C12orf50: variants seen among roughly 807,000 people sequenced by gnomAD.
C12orf50 encodes the protein zinc finger CCCH-type containing 11D.
C12orf50 carries 35 observed loss-of-function variants against 61.6 expected under a neutral mutation model. The observed-to-expected ratio is 0.57, with a 90% CI of 0.43 to 0.75. The LOEUF (loss-of-function observed/expected upper bound fraction) is 0.75. C12orf50 is among the 30% of genes least tolerant of loss of function. The pLI is 0.00. For missense variants in C12orf50, 475 were observed against 488.5 expected (o/e 0.97, Z 0.26); for synonymous variants, 178 against 161.5 (o/e 1.10, Z -0.77).
intron 4 of C12orf50, among the ~76,000 whole-genome samples, chr12:87,997,614 C>A (rs1592659277): frequency 6.6e-6 from 1 of 152,140 alleles, no homozygotes; most frequent in Middle Eastern, 3.4e-3. Flanking sequence ...TCCCTGTGTC[C>A]ATGTGTTCTC....
intron 4 of C12orf50, among the ~76,000 whole-genome samples, chr12:87,997,403 T>C (rs571725760): frequency 1.3e-5 from 2 of 152,190 alleles, no homozygotes; most frequent in East Asian, 3.9e-4. Context: ...AATATCTATA[T>C]ATATACATTT....
chr12:87,983,283 G>A, intron 11 of C12orf50, 88 bp from the exon 12 acceptor site: 1 of 728,536 alleles, frequency 1.4e-6, no homozygotes, highest in Non-Finnish European at 2.2e-6. Flanking sequence ...TCTCAGGGGT[G>A]AAGCTATTCT....
chr12:88,010,769 A>G (rs1172877395), intron 3 of C12orf50, among the ~76,000 whole-genome samples: 1 of 151,978 alleles, frequency 6.6e-6, no homozygotes, highest in African/African-American at 2.4e-5. Flanking sequence ...TATAGTTAAC[A>G]GAAACTACCC....
rs1009990548 is a variant in C12orf50, at chr12:87,993,200, C to A, written c.592+1433G>T. Among the ~76,000 whole-genome samples, 10 of 152,084 alleles carry A rather than the reference C, an allele frequency of 6.6e-5. 1 individual carries two copies. Among genetic ancestry groups the A allele is most frequent in the Non-Finnish European group, 1.5e-4 (10 of 68,024 alleles). ...CATTCTCACATTTTCTAACTCCCAA[C>A]AAAGTAGGTAATATATTATTAATGT... On this transcript the variant is annotated intron_variant, in intron 7 of 12. Transcript: ENST00000298699.
At chr12:88,026,751 T>C in intron 2 of C12orf50, 143 bp from the exon 3 acceptor site, 1 of 1,330,194 alleles carries the variant, frequency 7.5e-7, no homozygotes, top group Non-Finnish European at 1.0e-6. Context: ...GCTTTCAGTG[T>C]TTCTAAGCCC....
At chr12:87,988,010 T>TA (rs770494858) in intron 8 of C12orf50, 44 bp from the exon 9 acceptor site, 14 of 1,304,558 alleles carry the variant, frequency 1.1e-5, no homozygotes, top group Non-Finnish European at 1.5e-5. Context: ...TATTAGTTTT[T>TA]AAAAAAAGCA....
chr12:87,996,679 C>T, intron 4 of C12orf50, 33 bp from the exon 5 acceptor site: 3 of 1,497,122 alleles, frequency 2.0e-6, no homozygotes, highest in Non-Finnish European at 2.7e-6. Flanking sequence ...ATTAAATTGT[C>T]CCAAAGCCAA....
chr12:87,989,831 T>A (rs1223723210), intron 7 of C12orf50, among the ~76,000 whole-genome samples: 1 of 152,174 alleles, frequency 6.6e-6, no homozygotes, highest in African/African-American at 2.4e-5. Context: ...TTTCTTAACA[T>A]ATTTGTTTCA....
chr12:88,029,699 T>C (rs1430416213), upstream of C12orf50, among the ~76,000 whole-genome samples: 1 of 152,166 alleles, frequency 6.6e-6, no homozygotes. Context: ...TATAGAGGTT[T>C]TGGGAATAAC....
In C12orf50 at chr12:87,998,198, G is replaced by GA; in HGVS notation, c.134-9dup. 6.2e-7 allele frequency: 1 copy of GA among 1,607,464 alleles called. No homozygotes were observed. The highest frequency in any genetic ancestry group is 8.5e-7 in the Non-Finnish European group (1 of 1,175,560). The stretch of plus-strand genomic sequence containing the variant: ...CTTTCTGTAGTGTGATATCTGCAGA[G>GA]AAAATGCAACATTTCAGTCTGTTCA... On this transcript the variant is annotated splice_polypyrimidine_tract_variant and intron_variant, in intron 3 of 12. Coordinates refer to ENST00000298699, the MANE Select transcript of C12orf50 (RefSeq NM_152589.3).
intron 3 of C12orf50, among the ~76,000 whole-genome samples, chr12:87,999,018 C>G (rs11834986): frequency 0.014 from 2,147 of 151,982 alleles, 53 homozygotes; most frequent in African/African-American, 0.049. Flanking sequence ...ATAGAAGAAC[C>G]CTTAGGTCAT....
chr12:87,985,676 A>C, intron 11 of C12orf50, 174 bp downstream of exon 11: 1 of 658,468 alleles, frequency 1.5e-6, no homozygotes, highest in Non-Finnish European at 2.7e-6. Context: ...CATATCCTTT[A>C]AATCATGTGC....
At chr12:88,012,422 A>G (rs959496509) in intron 3 of C12orf50, among the ~76,000 whole-genome samples, 1 of 152,316 alleles carries the variant, frequency 6.6e-6, no homozygotes, top group African/African-American at 2.4e-5. Context: ...AACTAAACAA[A>G]TTGTTTTCAT....
At chr12:88,016,250 C>T (rs2032307124) in intron 3 of C12orf50, among the ~76,000 whole-genome samples, 2 of 152,166 alleles carry the variant, frequency 1.3e-5, no homozygotes, top group African/African-American at 4.8e-5. Flanking sequence ...TAGCCAGTTA[C>T]AGTTTGCTAT....
At position 88,026,914 on chromosome 12, in the gene C12orf50, AC is replaced by A. The variant is rs751686126; in HGVS notation, c.12+36del. Reference sequence around the variant, plus strand: ...TAATTCAGCATTATTGAAGGGAAATACTTTTTGACAAAAATGATGACGCCAA... The same window carrying A: ...TAATTCAGCATTATTGAAGGGAAATATTTTTGACAAAAATGATGACGCCAA... On this transcript the variant is annotated intron_variant, in intron 2 of 12. Transcript: ENST00000298699. 40 of 1,600,278 alleles carry A rather than the reference AC, an allele frequency of 2.5e-5. No homozygotes were observed. In the South Asian group the frequency reaches 3.1e-4, roughly 12 times the overall value.
chr12:88,006,572 C>T (rs374329060), intron 3 of C12orf50, among the ~76,000 whole-genome samples: 6 of 152,102 alleles, frequency 3.9e-5, no homozygotes, highest in African/African-American at 7.2e-5. Context: ...ACTTGTGCCT[C>T]CTGGCATGGG....
intron 9 of C12orf50, among the ~76,000 whole-genome samples, 155 bp downstream of exon 9, chr12:87,987,694 TA>T (rs2030895509): frequency 6.8e-6 from 1 of 146,066 alleles, no homozygotes. Context: ...TTGTCAGAGT[TA>T]GTTAGTAGAG....
rs1282227452 is a variant in C12orf50, at chr12:87,998,172, TC to T, written c.151del (p.Glu51LysfsTer16). The T allele has an allele frequency of 6.2e-7, 1 of 1,612,530 alleles. No individual in the cohort carries two copies. The highest frequency in any genetic ancestry group is 1.7e-5 in the Admixed American group (1 of 59,916). On this transcript the variant is annotated frameshift_variant, in exon 4 of 13. Transcript: ENST00000298699. LOFTEE classifies it high-confidence loss of function. ...PPSSNITLQK[E>X]IQEGIPLQSQ... ...CTGGAGTGGAATTCCTTCCTGAATT[TC>T]TTTCTGTAGTGTGATATCTGCAGAG...
At chr12:87,982,777 C>CA (rs2030558323) in intron 12 of C12orf50, among the ~76,000 whole-genome samples, 1 of 149,926 alleles carries the variant, frequency 6.7e-6, no homozygotes, top group Non-Finnish European at 1.5e-5. Context: ...TACAGTTTTA[C>CA]ACATTTGCTT....
Sources: gnomAD v4.1 joint callset for allele counts (sites outside exome capture counted in the v4.1 genomes callset) on GRCh38, gnomAD v4.1.1 for gene constraint, MANE v1.5 for transcripts, NCBI Gene and HGNC (gene_info 2026-07-23, HGNC 2026-07-21) for gene names.